Variants in EPHA3 observed in about 807,000 individuals in gnomAD.
EPHA3 encodes the protein EPH receptor A3, also known as ephrin type-A receptor 3.
A neutral mutation model predicts 107.1 loss-of-function variants in EPHA3; 42 were observed. The observed-to-expected ratio is 0.39, with a 90% confidence interval of 0.31 to 0.51. EPHA3 has a LOEUF of 0.51. Among genes scored for constraint, EPHA3 ranks in the 20% least tolerant of loss-of-function variants. The pLI, the probability that EPHA3 is intolerant of heterozygous loss-of-function variation, is 0.78. For missense variants in EPHA3, 1,183 were observed against 1,211.2 expected, an observed-to-expected ratio of 0.98 and a Z score of 0.35; for synonymous variants, 461 against 424.8, an observed-to-expected ratio of 1.09 and a Z score of -1.05.
intron 13 of EPHA3, among the ~76,000 whole-genome samples, chr3:89,434,240 C>G (rs1430494059): frequency 6.6e-6 from 1 of 151,954 alleles, no homozygotes; most frequent in Non-Finnish European, 1.5e-5. Context: ...ATTTTTGAGA[C>G]AGAGCCTCAC....
intron 5 of EPHA3, among the ~76,000 whole-genome samples, chr3:89,371,833 AGTCAACACTGCTT>A (rs1020730775): frequency 4.0e-5 from 6 of 151,586 alleles, no homozygotes; most frequent in African/African-American, 1.5e-4. Flanking sequence ...TTCATATCCT[AGTCAACACTGCTT>A]GCCTATATTG....
intron 11 of EPHA3, among the ~76,000 whole-genome samples, chr3:89,426,373 A>T (rs1173714502): frequency 6.6e-6 from 1 of 151,848 alleles, no homozygotes; most frequent in Non-Finnish European, 1.5e-5. Flanking sequence ...ACCCTAAGTC[A>T]AGATACTGTT....
chr3:89,139,957 C>T (rs1704393851), intron 2 of EPHA3, among the ~76,000 whole-genome samples: 1 of 151,840 alleles, frequency 6.6e-6, no homozygotes, highest in African/African-American at 2.4e-5. Flanking sequence ...TCTGGAGACA[C>T]AGCAGACAAA....
chr3:89,359,756 TACACATATATACAC>T (rs1422982179), intron 5 of EPHA3, among the ~76,000 whole-genome samples: 4 of 144,556 alleles, frequency 2.8e-5, no homozygotes, highest in South Asian at 4.2e-4. Flanking sequence ...TACACATATA[TACACATATATACAC>T]ACATATATAT....
intron 2 of EPHA3, among the ~76,000 whole-genome samples, chr3:89,158,272 A>G (rs754355121): frequency 6.6e-6 from 1 of 152,082 alleles, no homozygotes; most frequent in Non-Finnish European, 1.5e-5. Context: ...GCGTCTTTAA[A>G]AGTAGATTTA....
chr3:89,182,614 T>A (rs1351139570), intron 2 of EPHA3, among the ~76,000 whole-genome samples: 2 of 151,938 alleles, frequency 1.3e-5, no homozygotes, highest in African/African-American at 4.8e-5. Context: ...GCAGAGAAAG[T>A]ATAGCTTAAA....
chr3:89,387,518 G>T (rs374982425), intron 5 of EPHA3, among the ~76,000 whole-genome samples: 4 of 152,006 alleles, frequency 2.6e-5, no homozygotes, highest in African/African-American at 9.7e-5. Context: ...ACCCAGTCTT[G>T]GGCAGTGCTT....
At chr3:89,234,096 G>A (rs1334363520) in intron 3 of EPHA3, among the ~76,000 whole-genome samples, 1 of 152,096 alleles carries the variant, frequency 6.6e-6, no homozygotes, top group African/African-American at 2.4e-5. Context: ...ATAACATAGA[G>A]TAGGAATTTA....
rs148704832 is a variant in EPHA3, at chr3:89,186,611, A to G, written c.154-23249A>G. 9.9e-3 allele frequency among the ~76,000 whole-genome samples: 1,514 copies of G among 152,172 alleles called. 12 individuals are homozygous for G. Among genetic ancestry groups the G allele is most frequent in the East Asian group, 0.028 (143 of 5,168 alleles). On this transcript the variant is annotated intron_variant, in intron 2 of 16. Transcript: ENST00000336596. ...TACATTTATTAGCCCTAAATATTAA[A>G]CAGCTGGCAGAATTCCATTGTATAT... is the stretch of plus-strand genomic sequence containing the variant.
At chr3:89,179,220 CTAAT>C (rs1462129122) in intron 2 of EPHA3, among the ~76,000 whole-genome samples, 4 of 152,084 alleles carry the variant, frequency 2.6e-5, no homozygotes, top group South Asian at 2.1e-4. Context: ...ATTTGGAAGA[CTAAT>C]TAATATGTCT....
intron 13 of EPHA3, among the ~76,000 whole-genome samples, chr3:89,433,083 A>G (rs978342166): frequency 6.6e-6 from 1 of 152,114 alleles, no homozygotes; most frequent in African/African-American, 2.4e-5. Context: ...TCCTTGGGAT[A>G]TTTCTATAGA....
At chr3:89,280,025 C>G (rs1705901895) in intron 3 of EPHA3, among the ~76,000 whole-genome samples, 1 of 144,672 alleles carries the variant, frequency 6.9e-6, no homozygotes, top group African/African-American at 2.5e-5. Context: ...TTGTGTGCAC[C>G]TGTGTGTGTG....
chr3:89,221,566 A>T (rs1472460721), intron 3 of EPHA3, among the ~76,000 whole-genome samples: 1 of 152,158 alleles, frequency 6.6e-6, no homozygotes, highest in African/African-American at 2.4e-5. Flanking sequence ...AATTGTGGGA[A>T]TGCTTTCTCA....
At chr3:89,229,830 C>T (rs1043595299) in intron 3 of EPHA3, among the ~76,000 whole-genome samples, 1 of 151,840 alleles carries the variant, frequency 6.6e-6, no homozygotes, top group African/African-American at 2.4e-5. Flanking sequence ...TAAAGAAGAA[C>T]TTGATCGTTT....
chr3:89,319,546 C>T (rs565853233), intron 3 of EPHA3, among the ~76,000 whole-genome samples: 10 of 151,916 alleles, frequency 6.6e-5, no homozygotes, highest in South Asian at 4.2e-4. Context: ...AGGAGAGCTG[C>T]GTAGTCACCA....
intron 5 of EPHA3, among the ~76,000 whole-genome samples, chr3:89,386,622 G>T (rs1211415362): frequency 2.6e-5 from 4 of 152,218 alleles, no homozygotes; most frequent in Non-Finnish European, 5.9e-5. Context: ...GGGGTCCCCA[G>T]TGGGGCACTG....
chr3:89,387,352 G>T (rs114809070), intron 5 of EPHA3, among the ~76,000 whole-genome samples: 9 of 152,090 alleles, frequency 5.9e-5, no homozygotes, highest in African/African-American at 2.2e-4. Context: ...TGATAGTTTT[G>T]TAAGGGCTTC....
chr3:89,384,007 A>G (rs1183499515), intron 5 of EPHA3, among the ~76,000 whole-genome samples: 1 of 151,904 alleles, frequency 6.6e-6, no homozygotes, highest in Admixed American at 6.6e-5. Context: ...ATTTTATAGA[A>G]TCATTCAAAA....
intron 3 of EPHA3, among the ~76,000 whole-genome samples, chr3:89,223,693 A>G: frequency 6.6e-6 from 1 of 152,182 alleles, no homozygotes; most frequent in East Asian, 1.9e-4. Flanking sequence ...GCGTGACTTG[A>G]CTTTATACAT....
Sources: allele counts gnomAD v4.1 joint callset (sites outside exome capture counted in the v4.1 genomes callset), GRCh38; gene constraint gnomAD v4.1.1; transcripts MANE v1.5; gene names NCBI Gene and HGNC (gene_info 2026-07-23, HGNC 2026-07-21).